Variants in FOXM1 observed in about 807,000 individuals in gnomAD.
FOXM1 encodes forkhead box M1.
FOXM1 carries 25 observed loss-of-function variants against 63.6 expected under a neutral mutation model. The observed-to-expected ratio is 0.39, with a 90% CI of 0.29 to 0.55. FOXM1 has a LOEUF of 0.55. FOXM1 is among the 20% of genes least tolerant of loss of function. The pLI, the probability that FOXM1 is intolerant of heterozygous loss-of-function variation, is 0.60. For missense variants in FOXM1, 879 were observed against 958.7 expected, an observed-to-expected ratio of 0.92 and a Z score of 1.10; for synonymous variants, 387 against 376.9, an observed-to-expected ratio of 1.03 and a Z score of -0.31.
chr12:2,860,531 GA>G (rs1388075567), intron 8 of FOXM1, among the ~76,000 whole-genome samples: 2 of 152,068 alleles, frequency 1.3e-5, no homozygotes, highest in Non-Finnish European at 2.9e-5. Flanking sequence ...AATAGAAGTA[GA>G]AAAATATCTT....
Position 2,874,513 on chromosome 12 carries a change from A to T in FOXM1, c.-35T>A. On this transcript the variant is annotated 5_prime_UTR_variant, in exon 2 of 9. Transcript: ENST00000359843. The surrounding 1 kb of genome is among the most constrained non-coding windows in gnomAD (Gnocchi z 4.3). Reference sequence around the variant, plus strand: ...GCGTTTTCACTCTCCATTGAGAATCACAAGTGTGGACCCTGGAAAATGCAA... The same window carrying T: ...GCGTTTTCACTCTCCATTGAGAATCTCAAGTGTGGACCCTGGAAAATGCAA... 1 of 1,558,164 alleles carries T rather than the reference A, an allele frequency of 6.4e-7. No homozygotes were observed.
At position 2,874,625 on chromosome 12, in the gene FOXM1, G is replaced by T; in HGVS notation, c.-47-100C>A. ...CCTCTTTATATGACCAGGAACATGA[G>T]CCTAAAGGCCCAGGTAAACATTCCA... On this transcript the variant is annotated intron_variant, in intron 1 of 8. Transcript: ENST00000359843. This position sits in a 1 kb window ranked among gnomAD's most constrained non-coding sequence, Gnocchi z 4.3. The T allele has an allele frequency of 1.3e-6, 1 of 774,088 alleles. No individual in the cohort carries two copies. Among genetic ancestry groups the T allele is most frequent in the Non-Finnish European group, 2.1e-6 (1 of 477,920 alleles). The allele number at this position is 774,088 out of a possible 1,614,324, so 48.0% of individuals were successfully genotyped here.
At position 2,864,333 on chromosome 12, in the gene FOXM1, C is replaced by T. The variant is rs369843426; in HGVS notation, c.1253G>A (p.Arg418His). The T allele has an allele frequency of 3.7e-6, 6 of 1,612,004 alleles. No homozygotes were observed. The highest frequency in any genetic ancestry group is 4.2e-6 in the Non-Finnish European group (5 of 1,178,800). ...TAGGACACCCACCTTGGGGGCAATGCGGACTCGCTTGCTATGGCGGGCAAG... is the reference window on the plus strand; with the variant it reads ...TAGGACACCCACCTTGGGGGCAATGTGGACTCGCTTGCTATGGCGGGCAAG... The part of the protein sequence containing the change: ...SELARHSKRV[R>H]IAPKVLLAEE... Residue 418 changes from arginine (R) to histidine (H), a missense_variant, in exon 8 of 9, where the codon CGC (arginine) becomes CAC (histidine). Arg to His is a conservative substitution (Grantham distance 29, BLOSUM62 0). Transcript: ENST00000359843. The surrounding 1 kb of genome is among the most constrained non-coding windows in gnomAD (Gnocchi z 5.1).
In FOXM1 at chr12:2,865,034, C is replaced by T. The variant is rs182529325; in HGVS notation, c.1021-282G>A. On this transcript the variant is annotated intron_variant, in intron 6 of 8. Transcript: ENST00000359843. The stretch of plus-strand genomic sequence containing the variant: ...GGATGCCAGAGCAGGTAGCTATATG[C>T]GTGGCAAAGAAAAGCTAGGCACAAA... 1.0e-5 allele frequency: 6 copies of T among 579,720 alleles called. No individual in the cohort carries two copies. In the Admixed American group the frequency reaches 1.2e-4, roughly 12 times the overall value. 35.9% of individuals were successfully genotyped at this position (579,720 alleles called of 1,614,324 possible). A position where few individuals can be genotyped will look rare whatever the true frequency, so the allele number is the denominator to read the frequency against.
rs1209156644 is a variant in FOXM1 at position 2,874,559 on chromosome 12, A to G, written c.-47-34T>C. 3.5e-6 allele frequency: 5 copies of G among 1,440,884 alleles called. No homozygotes were observed. In the Admixed American group the frequency reaches 1.1e-4, roughly 31 times the overall value. The allele number at this position is 1,440,884 out of a possible 1,614,324, so 89.3% of individuals were successfully genotyped here. A position where few individuals can be genotyped will look rare whatever the true frequency, so the allele number is the denominator to read the frequency against. On this transcript the variant is annotated intron_variant, in intron 1 of 8. Transcript: ENST00000359843. This position sits in a 1 kb window ranked among gnomAD's most constrained non-coding sequence, Gnocchi z 4.3. ...TGCAAATAGTGGCAAGATGTTAGAG[A>G]TTGTTTAGGCTGAGAAGAGGTCCTT...
chr12:2,873,841 G>A, intron 2 of FOXM1, 136 bp downstream of exon 2: 1 of 990,908 alleles, frequency 1.0e-6, no homozygotes, highest in South Asian at 1.7e-5. Context: ...GCCTCCCAAA[G>A]TGCTGGGATT....
At chr12:2,866,348 C>G in intron 5 of FOXM1, 45 bp downstream of exon 5, 1 of 1,390,068 alleles carries the variant, frequency 7.2e-7, no homozygotes, top group Non-Finnish European at 9.4e-7. Context: ...ATGGCTATGA[C>G]AACCTCCAAC....
At chr12:2,869,010 T>C (rs1176235204) in intron 3 of FOXM1, among the ~76,000 whole-genome samples, 1 of 152,172 alleles carries the variant, frequency 6.6e-6, no homozygotes, top group Non-Finnish European at 1.5e-5. Context: ...TCCAGTCCCT[T>C]CCAGTTGAAA....
At chr12:2,866,230 G>A (rs1180191844) in intron 5 of FOXM1, among the ~76,000 whole-genome samples, 163 bp downstream of exon 5, 1 of 152,190 alleles carries the variant, frequency 6.6e-6, no homozygotes, top group Non-Finnish European at 1.5e-5. Context: ...TATTTGTCAA[G>A]TGTACTTAAT....
chr12:2,859,526 C>T lies in FOXM1; in HGVS notation c.1404G>A (p.Glu468=). ...TIKEEEIQPG[E]EMPHLARPIK... ...TGGGTCTCGCTAAGTGTGGCATTTC[C>T]TCCCCAGGCTGGATTTCTTCCTCCT... The change falls in exon 9 of 9, where the codon GAG becomes GAA. Residue 468 remains glutamate, a synonymous_variant. Transcript: ENST00000359843. 6.2e-7 allele frequency: 1 copy of T among 1,614,074 alleles called. No individual in the cohort carries two copies. The highest frequency in any genetic ancestry group is 8.5e-7 in the Non-Finnish European group (1 of 1,179,988).
rs532981651 is a variant in FOXM1 at position 2,865,509 on chromosome 12, C to T, written c.976-110G>A. 4.7e-5 allele frequency: 38 copies of T among 801,780 alleles called. 1 individual carries two copies. In the South Asian group the frequency reaches 6.5e-4, roughly 14 times the overall value. The allele number at this position is 801,780 out of a possible 1,614,324, so 49.7% of individuals were successfully genotyped here. ...TATTCCTGACTGATGACAAAAGACA[C>T]CCCAGACAACTGCCCCTCCCAGGAG... On this transcript the variant is annotated intron_variant, in intron 5 of 8. Transcript: ENST00000359843.
Position 2,872,230 on chromosome 12 carries a change from C to G in FOXM1, c.520G>C (p.Gly174Arg). ...GATAGGCTATTGTTGATAGTGCAGC[C>G]TGCTGCCTCACCATCTGCTAGAGGG... ...RETCADGEAA[G>R]CTINNSLSNI... is the part of the protein sequence containing the mutation. The change falls in exon 3 of 9, where the codon GGC (glycine) becomes CGC (arginine). Residue 174 changes from glycine (G) to arginine (R), a missense_variant. This residue lies in a region of FOXM1 where 255 missense variants were observed against 292.4 expected (regional missense o/e 0.87). Coordinates refer to ENST00000359843, the MANE Select transcript of FOXM1 (RefSeq NM_021953.4). The surrounding 1 kb of genome is among the most constrained non-coding windows in gnomAD (Gnocchi z 4.0). 1 of 1,614,242 alleles carries G rather than the reference C, an allele frequency of 6.2e-7. No homozygotes were observed. The highest frequency in any genetic ancestry group is 1.3e-5 in the African/African-American group (1 of 75,066).
At chr12:2,859,775 T>A in intron 8 of FOXM1, 112 bp from the exon 9 acceptor site, 1 of 759,652 alleles carries the variant, frequency 1.3e-6, no homozygotes, top group Non-Finnish European at 2.1e-6. Flanking sequence ...TAAAATCTAT[T>A]AAATATGAGA....
Position 2,864,359 on chromosome 12 carries a change from C to A in FOXM1, c.1227G>T (p.Glu409Asp). 1 of 1,613,592 alleles carries A rather than the reference C, an allele frequency of 6.2e-7. No homozygotes were observed. Among genetic ancestry groups the A allele is most frequent in the Admixed American group, 1.7e-5 (1 of 59,988 alleles). Reference sequence around the variant, plus strand: ...GGACTCGCTTGCTATGGCGGGCAAGCTCTGAGCTCATGAGGGAAGCCGCCA... The same window carrying A: ...GGACTCGCTTGCTATGGCGGGCAAGATCTGAGCTCATGAGGGAAGCCGCCA... ...LPLAASLMSS[E>D]LARHSKRVRI... Residue 409 changes from glutamate (E) to aspartate (D), a missense_variant, in exon 8 of 9, where the codon GAG (glutamate) becomes GAT (aspartate). Physicochemically the swap from Glu to Asp is conservative, Grantham distance 45. Coordinates refer to ENST00000359843, the MANE Select transcript of FOXM1 (RefSeq NM_021953.4). This position sits in a 1 kb window ranked among gnomAD's most constrained non-coding sequence, Gnocchi z 5.1.
intron 1 of FOXM1, chr12:2,876,254 C>T (rs913271812): frequency 4.6e-5 from 7 of 152,182 alleles, no homozygotes; most frequent in Non-Finnish European, 7.3e-5. Flanking sequence ...ACACCTCTAC[C>T]TTCAAATCTC....
At chr12:2,866,926 G>T (rs1453624165) in intron 4 of FOXM1, among the ~76,000 whole-genome samples, 1 of 152,220 alleles carries the variant, frequency 6.6e-6, no homozygotes, top group African/African-American at 2.4e-5. Flanking sequence ...GCCAAGGTGA[G>T]TGGATCACTT....
rs2098134305 is a variant in FOXM1 at position 2,872,188 on chromosome 12, G to T, written c.562C>A (p.Arg188=). ...NNSLSNIQWL[R]KMSSDGLGSR... ...CCCAGTCCATCAGAACTCATCTTTC[G>T]AAGCCACTGGATGTTGGATAGGCTA... The change falls in exon 3 of 9, where the codon CGA becomes AGA. Residue 188 remains arginine, a synonymous_variant. Transcript: ENST00000359843. This position sits in a 1 kb window ranked among gnomAD's most constrained non-coding sequence, Gnocchi z 4.0. The T allele has an allele frequency of 6.2e-7, 1 of 1,614,014 alleles. No homozygotes were observed. Among genetic ancestry groups the T allele is most frequent in the Non-Finnish European group, 8.5e-7 (1 of 1,180,020 alleles).
intron 8 of FOXM1, among the ~76,000 whole-genome samples, chr12:2,861,821 A>G (rs570272832): frequency 6.6e-6 from 1 of 152,326 alleles, no homozygotes; most frequent in East Asian, 1.9e-4. Context: ...CATGGACACT[A>G]AAAAATAATG....
chr12:2,863,989 G>A, intron 8 of FOXM1: 2 of 218,192 alleles, frequency 9.2e-6, no homozygotes, highest in South Asian at 1.7e-4. Flanking sequence ...ACAGGTGTAA[G>A]CCACAGCGCC....
Sources: gnomAD v4.1 joint callset for allele counts (sites outside exome capture counted in the v4.1 genomes callset) on GRCh38, gnomAD v4.1.1 for gene constraint, gnomAD v4.1.1 regional missense constraint, Gnocchi (gnomAD v3.1) non-coding constraint, MANE v1.5 for transcripts, NCBI Gene and HGNC (gene_info 2026-07-23, HGNC 2026-07-21) for gene names.